Variants in TMCO4 observed in about 807,000 individuals in gnomAD.
TMCO4 encodes the protein transmembrane and coiled-coil domain-containing protein 4.
In TMCO4, 58 loss-of-function variants were observed where a neutral mutation model predicts 64.7. That is an observed-to-expected ratio of 0.90 (90% CI 0.73 to 1.12). The LOEUF (loss-of-function observed/expected upper bound fraction) is 1.12. TMCO4 is among the 50% of genes most tolerant of loss of function. The pLI is 0.00. For synonymous variants in TMCO4, 325 were observed against 346.1 expected (o/e 0.94, Z 0.68); for missense variants, 780 against 825.9 (o/e 0.94, Z 0.68).
chr1:19,700,494 C>T lies in TMCO4; in HGVS notation c.1382+274G>A, dbSNP rs2100612557. Among the ~76,000 whole-genome samples the T allele has an allele frequency of 2.0e-5, 3 of 152,288 alleles. No individual in the cohort carries two copies. The South Asian group carries it at 6.2e-4, about 32-fold the overall frequency. On this transcript the variant is annotated intron_variant, in intron 14 of 15. Transcript: ENST00000294543. ...CCCAGCTCCAACCAGGCCAAGCCGC[C>T]CCAGCCTCTCCTGTCATCCTGCTGC... is the stretch of plus-strand genomic sequence containing the variant.
chr1:19,699,445 T>C (rs942475622), intron 14 of TMCO4, among the ~76,000 whole-genome samples: 2 of 150,398 alleles, frequency 1.3e-5, no homozygotes, highest in African/African-American at 4.9e-5. Context: ...TAGGACTGTC[T>C]TGCATCAAAG....
At chr1:19,786,176 A>G (rs2043733775) in intron 3 of TMCO4, among the ~76,000 whole-genome samples, 1 of 152,188 alleles carries the variant, frequency 6.6e-6, no homozygotes, top group South Asian at 2.1e-4. Flanking sequence ...TAAGCCCAGG[A>G]GTCTGAGGAA....
Position 19,745,585 on chromosome 1 carries a change from C to T in TMCO4, c.824G>A (p.Arg275Lys). 1 of 1,614,162 alleles carries T rather than the reference C, an allele frequency of 6.2e-7. No homozygotes were observed. The highest frequency in any genetic ancestry group is 8.5e-7 in the Non-Finnish European group (1 of 1,180,036). ...EFTFLPLTEGRQLHITIAVTG... is the reference protein window; with the variant it reads ...EFTFLPLTEGKQLHITIAVTG... ...GACGGCGATGGTGATGTGCAGCTGCCTGCCCTCCGTCAGAGGCAGAAACGT... is the reference window on the plus strand; with the variant it reads ...GACGGCGATGGTGATGTGCAGCTGCTTGCCCTCCGTCAGAGGCAGAAACGT... The change falls in exon 10 of 16, where the codon AGG (arginine) becomes AAG (lysine). Residue 275 changes from arginine (R) to lysine (K), a missense_variant. Coordinates refer to ENST00000294543, the MANE Select transcript of TMCO4 (RefSeq NM_181719.7).
chr1:19,777,897 C>G (rs1254766824), intron 4 of TMCO4, among the ~76,000 whole-genome samples: 4 of 152,126 alleles, frequency 2.6e-5, no homozygotes, highest in Admixed American at 1.3e-4. Context: ...GTTAGCCAGG[C>G]ATGGTGGCAT....
At chr1:19,722,691 G>A (rs776724668) in intron 13 of TMCO4, among the ~76,000 whole-genome samples, 23 of 152,226 alleles carry the variant, frequency 1.5e-4, no homozygotes, top group Non-Finnish European at 2.8e-4. Flanking sequence ...GACAGGCTAG[G>A]GAGACACAGT....
chr1:19,684,746 T>C (rs2095133235), intron 15 of TMCO4, among the ~76,000 whole-genome samples: 1 of 152,210 alleles, frequency 6.6e-6, no homozygotes, highest in Non-Finnish European at 1.5e-5. Flanking sequence ...GCACTGTGAC[T>C]AGTTTTGGCC....
chr1:19,683,435 G>A lies in TMCO4; in HGVS notation c.1510C>T (p.His504Tyr). 1 of 1,612,684 alleles carries A rather than the reference G, an allele frequency of 6.2e-7. No individual in the cohort carries two copies. The highest frequency in any genetic ancestry group is 8.5e-7 in the Non-Finnish European group (1 of 1,179,990). ...NVDLTSVVSGHLDYAKQMDAI... is the reference protein window; with the variant it reads ...NVDLTSVVSGYLDYAKQMDAI... ...TCCATCTGCTTGGCATAGTCCAGGT[G>A]GCCGCTGACCTGCAGGAGACAGTGA... The change falls in exon 16 of 16, where the codon CAC (histidine) becomes TAC (tyrosine). Residue 504 changes from histidine (H) to tyrosine (Y), a missense_variant. Physicochemically the swap from His to Tyr is moderately conservative, Grantham distance 83. Transcript: ENST00000294543.
rs2044252049 is a variant in TMCO4 at position 19,795,299 on chromosome 1, G to A, written c.-101+2838C>T. 2.6e-5 allele frequency among the ~76,000 whole-genome samples: 4 copies of A among 152,016 alleles called. No individual in the cohort carries two copies. The South Asian group carries it at 6.2e-4, about 24-fold the overall frequency. On this transcript the variant is annotated intron_variant, in intron 2 of 15. Transcript: ENST00000294543. ...TACCTGGACAACATGGTGAAACCCC[G>A]TCTCTACTAAAAATACACAAAAATT... is the stretch of plus-strand genomic sequence containing the variant.
At chr1:19,781,881 C>G (rs568638052) in intron 3 of TMCO4, among the ~76,000 whole-genome samples, 1 of 152,162 alleles carries the variant, frequency 6.6e-6, no homozygotes, top group Non-Finnish European at 1.5e-5. Flanking sequence ...CTCCTGACCT[C>G]GTGATCCGCC....
intron 13 of TMCO4, among the ~76,000 whole-genome samples, chr1:19,736,581 C>A (rs988092020): frequency 8.5e-5 from 13 of 152,134 alleles, no homozygotes; most frequent in African/African-American, 3.1e-4. Flanking sequence ...GCCCCAGGCT[C>A]GGCAACTCAC....
rs1222868874 is a variant in TMCO4, at chr1:19,682,551, G to A, written c.*489C>T. On this transcript the variant is annotated 3_prime_UTR_variant, in exon 16 of 16. Coordinates refer to ENST00000294543, the MANE Select transcript of TMCO4 (RefSeq NM_181719.7). ...CCTTCTTTGTACCTGCGCCTGCTCT[G>A]TTGCTGCCAGTTGATGGTGCCTGTC... is the stretch of plus-strand genomic sequence containing the variant. 2.8e-6 allele frequency: 2 copies of A among 713,150 alleles called. No individual in the cohort carries two copies. Among genetic ancestry groups the A allele is most frequent in the African/African-American group, 3.5e-5 (2 of 57,204 alleles). 44.2% of individuals were successfully genotyped at this position (713,150 alleles called of 1,614,324 possible).
chr1:19,758,546 G>GC (rs1190981840), intron 6 of TMCO4, among the ~76,000 whole-genome samples: 1 of 152,178 alleles, frequency 6.6e-6, no homozygotes, highest in African/African-American at 2.4e-5. Flanking sequence ...GTAATCTCAG[G>GC]CACGGGGCTT....
chr1:19,778,314 C>T (rs772504909), intron 4 of TMCO4, among the ~76,000 whole-genome samples: 60 of 151,740 alleles, frequency 4.0e-4, no homozygotes, highest in South Asian at 1.2e-3. Context: ...TGCTCTGTTG[C>T]CCAGGCTGGA....
At chr1:19,697,430 G>GT (rs1477034193) in intron 14 of TMCO4, among the ~76,000 whole-genome samples, 1 of 148,664 alleles carries the variant, frequency 6.7e-6, no homozygotes, top group African/African-American at 2.5e-5. Flanking sequence ...GCTAATTTTT[G>GT]TATTTTTTTG....
intron 6 of TMCO4, among the ~76,000 whole-genome samples, chr1:19,759,665 C>G (rs1225770708): frequency 6.6e-6 from 1 of 152,124 alleles, no homozygotes; most frequent in African/African-American, 2.4e-5. Flanking sequence ...GCTCAGCTGC[C>G]CTTTCCCATC....
chr1:19,752,238 G>C (rs1007982584), intron 7 of TMCO4, among the ~76,000 whole-genome samples: 7 of 152,208 alleles, frequency 4.6e-5, no homozygotes, highest in South Asian at 2.1e-4. Context: ...AACACTCAGA[G>C]AACAACACTA....
At chr1:19,745,950 A>G (rs1012943532) in intron 9 of TMCO4, among the ~76,000 whole-genome samples, 1 of 152,164 alleles carries the variant, frequency 6.6e-6, no homozygotes, top group African/African-American at 2.4e-5. Flanking sequence ...TCTCCTGCCC[A>G]CACACCGCAG....
At position 19,743,302 on chromosome 1, in the gene TMCO4, T is replaced by C. The variant is rs1364196743; in HGVS notation, c.877+2230A>G. The stretch of plus-strand genomic sequence containing the variant: ...GTGAGGAGCTAAATGAGCCAGTGCA[T>C]AGGAAGGGCTTGGTGGTTGGCTACA... On this transcript the variant is annotated intron_variant, in intron 10 of 15. Coordinates refer to ENST00000294543, the MANE Select transcript of TMCO4 (RefSeq NM_181719.7). This position sits in a 1 kb window ranked among gnomAD's most constrained non-coding sequence, Gnocchi z 4.1. Among the ~76,000 whole-genome samples the C allele has an allele frequency of 2.6e-5, 4 of 152,090 alleles. No homozygotes were observed. The highest frequency in any genetic ancestry group is 4.4e-5 in the Non-Finnish European group (3 of 68,022).
chr1:19,749,144 T>A (rs1033304252), intron 7 of TMCO4, among the ~76,000 whole-genome samples: 1 of 152,222 alleles, frequency 6.6e-6, no homozygotes, highest in Non-Finnish European at 1.5e-5. Context: ...AGGAGGGCCA[T>A]CAAGATCGAG....
Sources: allele counts gnomAD v4.1 joint callset (sites outside exome capture counted in the v4.1 genomes callset), GRCh38; gene constraint gnomAD v4.1.1; non-coding constraint Gnocchi (gnomAD v3.1); transcripts MANE v1.5; gene names NCBI Gene and HGNC (gene_info 2026-07-23, HGNC 2026-07-21).